The following DCC variants were observed in gnomAD, a reference collection of about 807,000 sequenced individuals.
The protein encoded by DCC is netrin receptor DCC.
Under a neutral mutation model 172.5 loss-of-function variants are expected in DCC, and 58 were observed. The observed-to-expected ratio is 0.34, with a 90% CI of 0.27 to 0.42. The LOEUF (loss-of-function observed/expected upper bound fraction) is 0.42, where lower values mean the gene tolerates loss of function less well. DCC is among the 10% of genes least tolerant of loss of function. The probability of loss-of-function intolerance (pLI) is 1.00; values close to 1 mark genes in which losing one functional copy is unlikely to be tolerated. For synonymous variants in DCC, 709 were observed against 644.5 expected, an observed-to-expected ratio of 1.10 and a Z score of -1.52; for missense variants, 1,740 against 1,791.0, an observed-to-expected ratio of 0.97 and a Z score of 0.51.
At chr18:53,154,154 C>G (rs11082969) in intron 7 of DCC, among the ~76,000 whole-genome samples, 47,199 of 152,078 alleles carry the variant, frequency 0.31, 9,145 homozygotes, top group East Asian at 0.59. Context: ...CCCCTATCCA[C>G]TACTCTGAGG....
chr18:52,661,639 C>G (rs1461042951), intron 1 of DCC, among the ~76,000 whole-genome samples: 1 of 152,196 alleles, frequency 6.6e-6, no homozygotes, highest in Non-Finnish European at 1.5e-5. Context: ...TAGAGGGAAA[C>G]CCAGCCCCAC....
At chr18:53,418,824 A>G (rs950078235) in intron 21 of DCC, among the ~76,000 whole-genome samples, 1 of 152,236 alleles carries the variant, frequency 6.6e-6, no homozygotes, top group Non-Finnish European at 1.5e-5. Flanking sequence ...GAGCAATGGT[A>G]TAGTAGTTGT....
intron 13 of DCC, among the ~76,000 whole-genome samples, chr18:53,317,879 T>G (rs1318474980): frequency 6.6e-6 from 1 of 152,180 alleles, no homozygotes; most frequent in East Asian, 1.9e-4. Flanking sequence ...TCTCTTTTCT[T>G]CTTTATTTGT....
chr18:53,138,892 G>A (rs967730416), intron 7 of DCC, among the ~76,000 whole-genome samples: 7 of 152,024 alleles, frequency 4.6e-5, no homozygotes, highest in South Asian at 2.1e-4. Flanking sequence ...TACTTAGCAC[G>A]CAATATTCAC....
Position 52,556,232 on chromosome 18 carries a change from G to T in DCC, c.92-195822G>T, listed in dbSNP as rs544325998. On this transcript the variant is annotated intron_variant, in intron 1 of 28. Transcript: ENST00000442544. ...GTGGTGCCCCAGAGGAGACTTGTTC[G>T]TAACTTATGAGTCCAAAGTTGTAAC... Among the ~76,000 whole-genome samples, 67 of 152,150 alleles carry T rather than the reference G, an allele frequency of 4.4e-4. 3 individuals are homozygous for T. In the South Asian group the frequency reaches 0.014, roughly 32 times the overall value.
At chr18:52,375,893 TGG>T (rs535446991) in intron 1 of DCC, among the ~76,000 whole-genome samples, 100 of 152,282 alleles carry the variant, frequency 6.6e-4, no homozygotes, top group African/African-American at 2.4e-3. Flanking sequence ...GGATAGCTGT[TGG>T]GGTGCTAAGT....
intron 1 of DCC, among the ~76,000 whole-genome samples, chr18:52,551,371 C>T (rs149526545): frequency 0.011 from 1,612 of 152,018 alleles, 10 homozygotes; most frequent in Non-Finnish European, 0.015. Flanking sequence ...GATAGTAAAG[C>T]ATTTAAGAAG....
chr18:52,987,323 C>A (rs1163200306), intron 5 of DCC, among the ~76,000 whole-genome samples: 3 of 152,036 alleles, frequency 2.0e-5, no homozygotes, highest in Non-Finnish European at 2.9e-5. Flanking sequence ...ACAAAAAACC[C>A]CAACAACAAA....
Position 53,337,312 on chromosome 18 carries a change from G to A in DCC, c.2165-2401G>A, listed in dbSNP as rs528650913. Among the ~76,000 whole-genome samples, 36 of 152,230 alleles carry A rather than the reference G, an allele frequency of 2.4e-4. 1 individual carries two copies. In the South Asian group the frequency reaches 7.3e-3, roughly 31 times the overall value. ...GATCTAGTTTATTTTCTTAGTGTACGATTAGGCAGATTATCTTGTTGTTTT... is the reference window on the plus strand; with the variant it reads ...GATCTAGTTTATTTTCTTAGTGTACAATTAGGCAGATTATCTTGTTGTTTT... On this transcript the variant is annotated intron_variant, in intron 14 of 28. Transcript: ENST00000442544.
chr18:53,409,213 G>A (rs1909843040), intron 19 of DCC, among the ~76,000 whole-genome samples: 1 of 152,118 alleles, frequency 6.6e-6, no homozygotes, highest in South Asian at 2.1e-4. Context: ...GAAGGTTTGT[G>A]CTGAGATGTA....
chr18:52,819,201 C>A (rs956327682), intron 2 of DCC, among the ~76,000 whole-genome samples: 1 of 149,116 alleles, frequency 6.7e-6, no homozygotes, highest in African/African-American at 2.5e-5. Flanking sequence ...AAGAAACCAA[C>A]AAGACAAAGA....
rs891971204 is a variant in DCC, at chr18:52,607,775, C to A, written c.92-144279C>A. Among the ~76,000 whole-genome samples the A allele has an allele frequency of 2.0e-5, 3 of 152,100 alleles. No individual in the cohort carries two copies. In the East Asian group the frequency reaches 5.8e-4, roughly 29 times the overall value. Reference sequence around the variant, plus strand: ...ATTCTATGACAATTTGATATCAATGCAATGTAAAATGCTGTGTAAAAATGA... The same window carrying A: ...ATTCTATGACAATTTGATATCAATGAAATGTAAAATGCTGTGTAAAAATGA... On this transcript the variant is annotated intron_variant, in intron 1 of 28. Coordinates refer to ENST00000442544, the MANE Select transcript of DCC (RefSeq NM_005215.4).
intron 15 of DCC, among the ~76,000 whole-genome samples, chr18:53,358,576 C>T (rs1241230955): frequency 2.3e-5 from 3 of 130,560 alleles, no homozygotes; most frequent in Admixed American, 8.2e-5. Flanking sequence ...GCTCTGTTGC[C>T]CAGGCATGGT....
At chr18:52,798,251 TTA>T (rs2037915547) in intron 2 of DCC, among the ~76,000 whole-genome samples, 1 of 152,204 alleles carries the variant, frequency 6.6e-6, no homozygotes, top group Non-Finnish European at 1.5e-5. Flanking sequence ...ATCTTAAGAT[TTA>T]TATGTCTTTA....
At chr18:52,780,613 G>T (rs2037521752) in intron 2 of DCC, among the ~76,000 whole-genome samples, 1 of 152,112 alleles carries the variant, frequency 6.6e-6, no homozygotes, top group African/African-American at 2.4e-5. Context: ...TTATACAGAA[G>T]AATTACAACT....
chr18:53,271,756 A>G (rs1182899211), intron 12 of DCC, among the ~76,000 whole-genome samples: 1 of 152,024 alleles, frequency 6.6e-6, no homozygotes, highest in Admixed American at 6.6e-5. Flanking sequence ...AGCCATGGGG[A>G]GGGGATTACA....
At chr18:53,011,961 C>A (rs1460337144) in intron 5 of DCC, among the ~76,000 whole-genome samples, 3 of 151,832 alleles carry the variant, frequency 2.0e-5, no homozygotes, top group Non-Finnish European at 2.9e-5. Context: ...TATCGCTAGG[C>A]ATCATGGAAA....
At chr18:52,905,020 A>G (rs1217071488) in intron 2 of DCC, among the ~76,000 whole-genome samples, 2 of 152,128 alleles carry the variant, frequency 1.3e-5, no homozygotes, top group African/African-American at 4.8e-5. Context: ...TGTTCATATC[A>G]GGGGGTTTGA....
intron 20 of DCC, among the ~76,000 whole-genome samples, chr18:53,414,991 G>A (rs1910219609): frequency 6.6e-6 from 1 of 152,122 alleles, no homozygotes; most frequent in Non-Finnish European, 1.5e-5. Context: ...TCACTCTTAG[G>A]ATGTAATAGA....
Sources: allele counts gnomAD v4.1 joint callset (sites outside exome capture counted in the v4.1 genomes callset), GRCh38; gene constraint gnomAD v4.1.1; transcripts MANE v1.5; gene names NCBI Gene and HGNC (gene_info 2026-07-23, HGNC 2026-07-21).